ADAM18: variants seen among roughly 807,000 people sequenced by gnomAD.
ADAM18 encodes the protein disintegrin and metalloproteinase domain-containing protein 18.
A neutral mutation model predicts 94.4 loss-of-function variants in ADAM18; 117 were observed. That is an observed-to-expected ratio of 1.24 (90% CI 1.07 to 1.45). The LOEUF (loss-of-function observed/expected upper bound fraction) is 1.45, where lower values mean the gene tolerates loss of function less well. Ranked by LOEUF, ADAM18 falls within the 40% of genes most tolerant of loss-of-function variation. The pLI is 0.00. For missense variants in ADAM18, 936 were observed against 880.0 expected, an observed-to-expected ratio of 1.06 and a Z score of -0.81; for synonymous variants, 327 against 291.6, an observed-to-expected ratio of 1.12 and a Z score of -1.24.
chr8:39,637,019 TTATATATATATATA>T (rs35248371), intron 7 of ADAM18, among the ~76,000 whole-genome samples: 1,266 of 54,794 alleles, frequency 0.023, 22 homozygotes, highest in African/African-American at 0.038. Flanking sequence ...TGTGTGTATT[TTATATATATATATA>T]TATATATATA....
intron 6 of ADAM18, among the ~76,000 whole-genome samples, chr8:39,620,546 A>G (rs932384945): frequency 2.7e-5 from 4 of 147,624 alleles, no homozygotes; most frequent in Admixed American, 6.8e-5. Flanking sequence ...GCCAACTGTT[A>G]TATTAAAAAT....
Position 39,652,840 on chromosome 8 carries a change from T to C in ADAM18, c.1230+4313T>C, listed in dbSNP as rs116248823. Among the ~76,000 whole-genome samples, 913 of 152,212 alleles carry C rather than the reference T, an allele frequency of 6.0e-3. 4 individuals are homozygous for C. Among genetic ancestry groups the C allele is most frequent in the African/African-American group, 0.021 (868 of 41,574 alleles). The stretch of plus-strand genomic sequence containing the variant: ...GGTAGAGATACACAATGGACTACTA[T>C]TCAGACTTTTTTAAAAGAAAAAATT... On this transcript the variant is annotated intron_variant, in intron 12 of 19. Transcript: ENST00000265707.
rs75197870 is a variant in ADAM18, at chr8:39,707,049, C to T, written c.2017+145C>T. On this transcript the variant is annotated intron_variant, in intron 18 of 19. Transcript: ENST00000265707. ...TGTGGGGGATACATTCTAAAACCCT[C>T]AGTGGATGCCTGAAACTGTAGATAG... 6 of 554,516 alleles carry T rather than the reference C, an allele frequency of 1.1e-5. No individual in the cohort carries two copies. The African/African-American group carries it at 1.1e-4, about 10-fold the overall frequency. The allele number at this position is 554,516 out of a possible 1,614,324, so 34.3% of individuals were successfully genotyped here.
intron 10 of ADAM18, among the ~76,000 whole-genome samples, chr8:39,644,294 GT>G (rs1303371990): frequency 6.6e-6 from 1 of 151,888 alleles, no homozygotes; most frequent in Admixed American, 6.6e-5. Context: ...TTTATTTTTT[GT>G]TTTGTTTTGG....
At chr8:39,686,662 GTT>G (rs1821613846) in intron 16 of ADAM18, among the ~76,000 whole-genome samples, 1 of 152,090 alleles carries the variant, frequency 6.6e-6, no homozygotes, top group South Asian at 2.1e-4. Flanking sequence ...ACTATAGCTT[GTT>G]TATCTCTTTT....
At chr8:39,606,021 C>A (rs941835244) in intron 2 of ADAM18, among the ~76,000 whole-genome samples, 30 of 152,176 alleles carry the variant, frequency 2.0e-4, no homozygotes, top group African/African-American at 6.8e-4. Context: ...CAGGTCACTG[C>A]AAATGCCATT....
At position 39,611,172 on chromosome 8, in the gene ADAM18, A is replaced by G. The variant is rs1819261776; in HGVS notation, c.522+466A>G. ...TTCTTTCAGCACTTTGAATATTTCA[A>G]TCCATCACCATGTGGCCTCTGTTTT... On this transcript the variant is annotated intron_variant, in intron 6 of 19. Coordinates refer to ENST00000265707, the MANE Select transcript of ADAM18 (RefSeq NM_014237.3). 1.5e-5 allele frequency: 12 copies of G among 810,038 alleles called. 1 individual carries two copies. The South Asian group carries it at 3.9e-4, about 27-fold the overall frequency. The allele number at this position is 810,038 out of a possible 1,614,324, so 50.2% of individuals were successfully genotyped here.
intron 6 of ADAM18, among the ~76,000 whole-genome samples, chr8:39,615,414 A>C (rs1164179418): frequency 6.6e-6 from 1 of 152,192 alleles, no homozygotes; most frequent in Non-Finnish European, 1.5e-5. Flanking sequence ...AATGAAAACA[A>C]AGATACAACA....
Position 39,616,946 on chromosome 8 carries a change from C to T in ADAM18, c.522+6240C>T, listed in dbSNP as rs548807080. Among the ~76,000 whole-genome samples the T allele has an allele frequency of 2.6e-5, 4 of 152,210 alleles. No individual in the cohort carries two copies. In the South Asian group the frequency reaches 8.3e-4, roughly 32 times the overall value. On this transcript the variant is annotated intron_variant, in intron 6 of 19. Coordinates refer to ENST00000265707, the MANE Select transcript of ADAM18 (RefSeq NM_014237.3). ...AAAACCTAAGAAATATCACTCTGAA[C>T]ATAGGCCGTAGCAAAGATTTTATGA...
At chr8:39,725,666 A>T (rs886857405) in intron 19 of ADAM18, among the ~76,000 whole-genome samples, 3 of 152,196 alleles carry the variant, frequency 2.0e-5, no homozygotes, top group Non-Finnish European at 4.4e-5. Flanking sequence ...TATTCATGAG[A>T]TAACAAATAA....
chr8:39,718,002 C>A (rs1320439981), intron 18 of ADAM18, among the ~76,000 whole-genome samples: 1 of 151,426 alleles, frequency 6.6e-6, no homozygotes, highest in African/African-American at 2.4e-5. Flanking sequence ...CACTAATCAT[C>A]AAGGAAATAA....
chr8:39,657,193 G>T (rs1488914703), intron 12 of ADAM18, among the ~76,000 whole-genome samples: 1 of 152,118 alleles, frequency 6.6e-6, no homozygotes, highest in Non-Finnish European at 1.5e-5. Context: ...TTTTGAGCAA[G>T]ATAACCAAGG....
In ADAM18 at chr8:39,648,397, A is replaced by G. The variant is rs1453753909; in HGVS notation, c.1100A>G (p.Tyr367Cys). 1.2e-6 allele frequency: 2 copies of G among 1,613,022 alleles called. No homozygotes were observed. Among genetic ancestry groups the G allele is most frequent in the South Asian group, 1.1e-5 (1 of 90,822 alleles). ...AACTGCAGCATGCACGACTATAGAT[A>G]TTTTGTTTCAAAATTTGAGACTAAA... Reference protein sequence around the residue: ...FSNCSMHDYRYFVSKFETKCL... With the variant: ...FSNCSMHDYRCFVSKFETKCL... The change falls in exon 12 of 20, where the codon TAT becomes TGT. Residue 367 changes from tyrosine to cysteine, a missense_variant. Tyr to Cys is a radical substitution (Grantham distance 194). Transcript: ENST00000265707.
intron 19 of ADAM18, among the ~76,000 whole-genome samples, chr8:39,726,296 A>G (rs34939478): frequency 0.11 from 16,328 of 149,854 alleles, 1,127 homozygotes; most frequent in Non-Finnish European, 0.16. Context: ...GTGTGTGTGT[A>G]TATATATAAT....
At chr8:39,693,473 T>G (rs1205130120) in intron 17 of ADAM18, among the ~76,000 whole-genome samples, 1 of 151,272 alleles carries the variant, frequency 6.6e-6, no homozygotes, top group Non-Finnish European at 1.5e-5. Flanking sequence ...TTCAGCCTTA[T>G]TATTTTTTAC....
chr8:39,591,898 G>A (rs1262302772), intron 2 of ADAM18, among the ~76,000 whole-genome samples: 1 of 152,198 alleles, frequency 6.6e-6, no homozygotes, highest in East Asian at 1.9e-4. Flanking sequence ...CTGGGCTGCA[G>A]AATGGACGCT....
chr8:39,591,502 C>T (rs13269581), intron 2 of ADAM18, among the ~76,000 whole-genome samples: 138,409 of 152,218 alleles, frequency 0.91, 63,118 homozygotes, highest in Middle Eastern at 0.98. Flanking sequence ...TCTTTGCTCA[C>T]CCGTGAGAAG....
At chr8:39,704,208 G>A (rs1822163800) in intron 17 of ADAM18, among the ~76,000 whole-genome samples, 1 of 152,090 alleles carries the variant, frequency 6.6e-6, no homozygotes, top group Non-Finnish European at 1.5e-5. Flanking sequence ...CTCATTCTAT[G>A]AGGACAGCAT....
chr8:39,645,189 T>TA (rs1376018082), intron 10 of ADAM18, 149 bp from the exon 11 acceptor site: 1 of 668,796 alleles, frequency 1.5e-6, no homozygotes, highest in Non-Finnish European at 2.4e-6. Flanking sequence ...TTACGGCAGA[T>TA]AAATAAATGG....
Sources: gnomAD v4.1 joint callset for allele counts (sites outside exome capture counted in the v4.1 genomes callset) on GRCh38, gnomAD v4.1.1 for gene constraint, MANE v1.5 for transcripts, NCBI Gene and HGNC (gene_info 2026-07-23, HGNC 2026-07-21) for gene names.